The following PRKN variants were observed in gnomAD, a reference collection of about 807,000 sequenced individuals.
PRKN encodes E3 ubiquitin-protein ligase parkin.
In PRKN, 56 loss-of-function variants were observed where a neutral mutation model predicts 59.5. The observed-to-expected ratio is 0.94, with a 90% confidence interval of 0.76 to 1.18. The LOEUF (loss-of-function observed/expected upper bound fraction) is 1.18, where lower values mean the gene tolerates loss of function less well. Among genes scored for constraint, PRKN ranks in the 50% most tolerant of loss-of-function variants. PRKN has a pLI of 0.00. For missense variants in PRKN, 657 were observed against 596.4 expected (o/e 1.10, Z -1.06); for synonymous variants, 250 against 222.1 (o/e 1.13, Z -1.12).
chr6:161,352,771 A>ATATTTTTT lies in PRKN; in HGVS notation c.1286-2561_1286-2560insAAAAAATA, dbSNP rs34279714. Among the ~76,000 whole-genome samples, 671 of 116,884 alleles carry ATATTTTTT rather than the reference A, an allele frequency of 5.7e-3. 9 individuals are homozygous for ATATTTTTT. Among genetic ancestry groups the ATATTTTTT allele is most frequent in the African/African-American group, 0.018 (635 of 34,468 alleles). The allele number at this position is 116,884 out of a possible 152,430, so 76.7% of individuals were successfully genotyped here. Reference sequence around the variant, plus strand: ...TGTGTGTGTGTATATATATATATATATTTTATTTTATTTTATTTTATTTTT... The same window carrying ATATTTTTT: ...TGTGTGTGTGTATATATATATATATATATTTTTTTTTTATTTTATTTTATTTTATTTTT... On this transcript the variant is annotated intron_variant, in intron 11 of 11. Transcript: ENST00000366898. This position sits in a 1 kb window ranked among gnomAD's most constrained non-coding sequence, Gnocchi z 5.8.
At chr6:162,614,197 C>A (rs1215381599) in intron 1 of PRKN, among the ~76,000 whole-genome samples, 1 of 151,958 alleles carries the variant, frequency 6.6e-6, no homozygotes, top group Non-Finnish European at 1.5e-5. Context: ...GATATCTGAA[C>A]TTTTTAATTA....
At chr6:161,464,496 T>G (rs1449720230) in intron 9 of PRKN, among the ~76,000 whole-genome samples, 2 of 152,238 alleles carry the variant, frequency 1.3e-5, no homozygotes, top group Non-Finnish European at 2.9e-5. Flanking sequence ...TGATGAGTTT[T>G]GGCAATATAT....
At chr6:162,638,394 C>T (rs1028697524) in intron 1 of PRKN, among the ~76,000 whole-genome samples, 7 of 152,092 alleles carry the variant, frequency 4.6e-5, no homozygotes, top group South Asian at 2.1e-4. Context: ...TGTGACTTTC[C>T]AACTCTGTCT....
chr6:161,825,793 T>C (rs1792220536), intron 6 of PRKN, among the ~76,000 whole-genome samples: 1 of 152,106 alleles, frequency 6.6e-6, no homozygotes, highest in Non-Finnish European at 1.5e-5. Flanking sequence ...CTCCTTCCCT[T>C]CTCCTTGCCT....
At chr6:162,382,971 T>C (rs1041902864) in intron 2 of PRKN, among the ~76,000 whole-genome samples, 1 of 152,172 alleles carries the variant, frequency 6.6e-6, no homozygotes, top group African/African-American at 2.4e-5. Flanking sequence ...CACCTGTTCA[T>C]GTTTTATTAT....
chr6:162,414,709 T>TGAAAAAAAAAAA (rs373871165), intron 2 of PRKN, among the ~76,000 whole-genome samples: 970 of 44,416 alleles, frequency 0.022, 185 homozygotes, highest in African/African-American at 0.05. Context: ...AGACTCCGTC[T>TGAAAAAAAAAAA]CAAAAAAAAA....
Position 162,288,644 on chromosome 6 carries a change from A to G in PRKN, c.172-25879T>C, listed in dbSNP as rs574765645. On this transcript the variant is annotated intron_variant, in intron 2 of 11. Coordinates refer to ENST00000366898, the MANE Select transcript of PRKN (RefSeq NM_004562.3). The stretch of plus-strand genomic sequence containing the variant: ...TCTCCGAAAAGGACACGGAGCCCTC[A>G]CCGAGGCCCCCACCAACCCCTTATT... Among the ~76,000 whole-genome samples, 64 of 152,206 alleles carry G rather than the reference A, an allele frequency of 4.2e-4. 1 individual carries two copies. The highest frequency in any genetic ancestry group is 1.4e-3 in the African/African-American group (58 of 41,516).
At chr6:162,561,526 C>T (rs1171265300) in intron 1 of PRKN, among the ~76,000 whole-genome samples, 1 of 152,048 alleles carries the variant, frequency 6.6e-6, no homozygotes, top group African/African-American at 2.4e-5. Flanking sequence ...ACTTGATTTC[C>T]ACTTCATATC....
At chr6:162,727,014 A>G (rs1482734773) in intron 1 of PRKN, 1 of 151,830 alleles carries the variant, frequency 6.6e-6, no homozygotes, top group Non-Finnish European at 1.5e-5. Context: ...AAAAAAAAAG[A>G]AAGGTTATTT....
Position 161,680,763 on chromosome 6 carries a change from ATATATATATATATTTTTTT to A in PRKN, c.871+104990_871+105008del, listed in dbSNP as rs1214838701. On this transcript the variant is annotated intron_variant, in intron 7 of 11. Coordinates refer to ENST00000366898, the MANE Select transcript of PRKN (RefSeq NM_004562.3). ...TATATATATATATATATATATATAT[ATATATATATATATTTTTTT>A]TTTTTTTTCTTTTCCTAAAACAACA... 3.9e-4 allele frequency among the ~76,000 whole-genome samples: 4 copies of A among 10,162 alleles called. 1 individual carries two copies. The highest frequency in any genetic ancestry group is 1.0e-3 in the African/African-American group (3 of 2,990). The allele number at this position is 10,162 out of a possible 152,430, so 6.7% of individuals were successfully genotyped here. A position where few individuals can be genotyped will look rare whatever the true frequency, so the allele number is the denominator to read the frequency against.
chr6:161,558,253 C>T (rs192747697), intron 8 of PRKN, among the ~76,000 whole-genome samples: 134 of 152,220 alleles, frequency 8.8e-4, no homozygotes, highest in Non-Finnish European at 1.5e-3. Context: ...GCCTCTTTCT[C>T]TTATTCCCTT....
intron 6 of PRKN, among the ~76,000 whole-genome samples, chr6:161,828,481 C>T (rs1792338358): frequency 2.6e-5 from 4 of 152,160 alleles, no homozygotes; most frequent in Admixed American, 2.6e-4. Context: ...TGGCTGCTTC[C>T]TGTGGGCCCC....
chr6:161,535,826 G>C (rs1403530027), intron 9 of PRKN, among the ~76,000 whole-genome samples: 1 of 152,106 alleles, frequency 6.6e-6, no homozygotes, highest in Non-Finnish European at 1.5e-5. Context: ...GACATTTTAT[G>C]AGAGAGAGAA....
chr6:162,644,554 C>T (rs748288531), intron 1 of PRKN, among the ~76,000 whole-genome samples: 1 of 152,028 alleles, frequency 6.6e-6, no homozygotes, highest in Non-Finnish European at 1.5e-5. Flanking sequence ...TAAAAAATAA[C>T]CGTTGAATAT....
At chr6:162,138,953 G>A (rs896283622) in intron 4 of PRKN, among the ~76,000 whole-genome samples, 3 of 152,060 alleles carry the variant, frequency 2.0e-5, no homozygotes, top group Non-Finnish European at 4.4e-5. Flanking sequence ...AATAACAAGG[G>A]GAGATAAAGC....
At chr6:162,690,001 A>G (rs542992733) in intron 1 of PRKN, among the ~76,000 whole-genome samples, 3 of 152,336 alleles carry the variant, frequency 2.0e-5, no homozygotes, top group South Asian at 2.1e-4. Context: ...AATAGGATGT[A>G]TTATGTCCTC....
chr6:161,495,011 T>C (rs76859828), intron 9 of PRKN, among the ~76,000 whole-genome samples: 12,327 of 152,248 alleles, frequency 0.081, 726 homozygotes, highest in African/African-American at 0.16. Flanking sequence ...CACATATAAA[T>C]TGTATTTTAA....
chr6:162,503,454 G>T (rs566298836), intron 1 of PRKN, among the ~76,000 whole-genome samples: 1 of 152,044 alleles, frequency 6.6e-6, no homozygotes, highest in African/African-American at 2.4e-5. Context: ...ATGAGCCACC[G>T]TGCCTGGCCT....
intron 4 of PRKN, among the ~76,000 whole-genome samples, chr6:162,101,005 C>A (rs1036215354): frequency 3.3e-5 from 5 of 152,058 alleles, no homozygotes; most frequent in African/African-American, 1.2e-4. Context: ...GTATGGTTGG[C>A]AAATATTTTC....
Sources: allele counts gnomAD v4.1 joint callset (sites outside exome capture counted in the v4.1 genomes callset), GRCh38; gene constraint gnomAD v4.1.1; non-coding constraint Gnocchi (gnomAD v3.1); transcripts MANE v1.5; gene names NCBI Gene and HGNC (gene_info 2026-07-23, HGNC 2026-07-21).